The following OXCT1 variants were observed in gnomAD, a reference collection of about 807,000 sequenced individuals.
OXCT1 encodes the protein 3-oxoacid CoA-transferase 1, also known as succinyl-CoA:3-ketoacid coenzyme A transferase 1, mitochondrial.
In OXCT1, 27 loss-of-function variants were observed where a neutral mutation model predicts 69.6. The ratio of observed to expected loss-of-function variants is 0.39; its 90% confidence interval spans 0.29 to 0.54. OXCT1 has a LOEUF of 0.54. Ranked by LOEUF, OXCT1 falls within the 20% of genes least tolerant of loss-of-function variation. OXCT1 has a pLI of 0.72. For missense variants in OXCT1, 437 were observed against 650.2 expected, an observed-to-expected ratio of 0.67 and a Z score of 3.57; for synonymous variants, 202 against 217.8, an observed-to-expected ratio of 0.93 and a Z score of 0.64.
At chr5:41,850,442 T>C (rs1469943059) in intron 4 of OXCT1, among the ~76,000 whole-genome samples, 2 of 152,176 alleles carry the variant, frequency 1.3e-5, no homozygotes, top group Non-Finnish European at 2.9e-5. Context: ...TACCTCTCAA[T>C]GATCTCTTGA....
chr5:41,740,222 T>C (rs551471054), intron 15 of OXCT1, among the ~76,000 whole-genome samples: 1 of 152,188 alleles, frequency 6.6e-6, no homozygotes, highest in East Asian at 1.9e-4. Flanking sequence ...AGGAAAAAAG[T>C]TTATAAATGA....
intron 5 of OXCT1, among the ~76,000 whole-genome samples, chr5:41,845,710 C>T (rs888603273): frequency 1.1e-4 from 17 of 152,194 alleles, no homozygotes; most frequent in African/African-American, 3.4e-4. Context: ...CATATTTTCA[C>T]GAGGTGAATT....
In OXCT1 at chr5:41,842,002, TAA is replaced by T. The variant is rs1748648622; in HGVS notation, c.671+671_671+672del. Among the ~76,000 whole-genome samples the T allele has an allele frequency of 5.9e-5, 9 of 152,286 alleles. No homozygotes were observed. In the South Asian group the frequency reaches 1.7e-3, roughly 28 times the overall value. On this transcript the variant is annotated intron_variant, in intron 6 of 16. Transcript: ENST00000196371. ...ACAATGATTTCTGTAATCTGATAGG[TAA>T]AGTCTTCAAGATCAGTTTGGAAAAC...
intron 7 of OXCT1, among the ~76,000 whole-genome samples, chr5:41,838,979 G>A (rs756536345): frequency 6.6e-5 from 10 of 152,100 alleles, no homozygotes; most frequent in South Asian, 4.1e-4. Flanking sequence ...GAGTGGTTGC[G>A]CACATTACTG....
chr5:41,783,097 A>C (rs1220970194), intron 13 of OXCT1, among the ~76,000 whole-genome samples: 2 of 152,264 alleles, frequency 1.3e-5, no homozygotes, highest in African/African-American at 4.8e-5. Flanking sequence ...TATGGATAGA[A>C]TATGTGCAGC....
intron 14 of OXCT1, among the ~76,000 whole-genome samples, chr5:41,753,270 T>TACACAC (rs36095905): frequency 5.4e-5 from 8 of 148,678 alleles, no homozygotes; most frequent in African/African-American, 1.7e-4. Context: ...GTGGCTGCAA[T>TACACAC]ACACACACAC....
chr5:41,869,605 T>C (rs1021127774), intron 1 of OXCT1, among the ~76,000 whole-genome samples: 15 of 152,264 alleles, frequency 9.9e-5, no homozygotes, highest in Non-Finnish European at 2.1e-4. Flanking sequence ...AGAGAAAGGT[T>C]TGTCCTCCCC....
intron 3 of OXCT1, among the ~76,000 whole-genome samples, chr5:41,854,659 AT>A (rs1454103549): frequency 1.3e-5 from 2 of 152,028 alleles, no homozygotes; most frequent in African/African-American, 4.8e-5. Context: ...ATGGCGAAAT[AT>A]TTTTTAATGG....
intron 13 of OXCT1, among the ~76,000 whole-genome samples, chr5:41,788,998 A>C (rs1193238081): frequency 2.0e-5 from 3 of 152,260 alleles, no homozygotes; most frequent in Admixed American, 1.3e-4. Context: ...TTGGAAACTG[A>C]CACACCTTTA....
intron 7 of OXCT1, among the ~76,000 whole-genome samples, chr5:41,823,024 T>C (rs1219592647): frequency 6.6e-6 from 1 of 152,230 alleles, no homozygotes; most frequent in Non-Finnish European, 1.5e-5. Context: ...TTTTCTGCAT[T>C]CTGTAGTTTT....
intron 11 of OXCT1, among the ~76,000 whole-genome samples, chr5:41,796,869 C>T (rs1029263835): frequency 6.6e-6 from 1 of 152,106 alleles, no homozygotes; most frequent in Non-Finnish European, 1.5e-5. Context: ...TTTTGTTATT[C>T]CTCTCTCCAA....
In OXCT1 at chr5:41,859,864, A is replaced by AATATATATATATATATT. The variant is rs1749634621; in HGVS notation, c.278+1449_278+1450insAATATATATATATATAT. ...AACTATTATACCTGACTAGTATAGT[A>AATATATATATATATATT]ATATATATATATATATATATATGTA... On this transcript the variant is annotated intron_variant, in intron 3 of 16. Coordinates refer to ENST00000196371, the MANE Select transcript of OXCT1 (RefSeq NM_000436.4). Among the ~76,000 whole-genome samples the AATATATATATATATATT allele has an allele frequency of 1.6e-3, 187 of 120,096 alleles. 3 individuals are homozygous for AATATATATATATATATT. The highest frequency in any genetic ancestry group is 5.3e-3 in the African/African-American group (173 of 32,904). The allele number at this position is 120,096 out of a possible 152,430, so 78.8% of individuals were successfully genotyped here.
intron 2 of OXCT1, among the ~76,000 whole-genome samples, chr5:41,861,640 A>G (rs1404456684): frequency 1.3e-5 from 2 of 152,204 alleles, no homozygotes; most frequent in Non-Finnish European, 2.9e-5. Flanking sequence ...GTATAAGCCA[A>G]GTGCAACCAG....
intron 7 of OXCT1, among the ~76,000 whole-genome samples, chr5:41,828,437 C>A (rs1471202090): frequency 6.6e-6 from 1 of 152,082 alleles, no homozygotes; most frequent in East Asian, 1.9e-4. Flanking sequence ...CTACACATTT[C>A]TATACATGAG....
chr5:41,805,699 A>G lies in OXCT1; in HGVS notation c.841-18T>C, dbSNP rs1302851819. 2 of 1,489,484 alleles carry G rather than the reference A, an allele frequency of 1.3e-6. No homozygotes were observed. Among genetic ancestry groups the G allele is most frequent in the Non-Finnish European group, 1.9e-6 (2 of 1,066,830 alleles). The allele number at this position is 1,489,484 out of a possible 1,614,324, so 92.3% of individuals were successfully genotyped here. A position where few individuals can be genotyped will look rare whatever the true frequency, so the allele number is the denominator to read the frequency against. ...GATAAACGCTTTAAATTAAACAGAA[A>G]TAAATTATTCGTGGTTGAGGTATGC... is the stretch of plus-strand genomic sequence containing the variant. On this transcript the variant is annotated intron_variant, in intron 8 of 16. Transcript: ENST00000196371.
chr5:41,812,449 T>C (rs751129292), intron 7 of OXCT1, among the ~76,000 whole-genome samples: 1 of 151,976 alleles, frequency 6.6e-6, no homozygotes. Flanking sequence ...ACAACATGGA[T>C]AGCTTTGTGT....
rs1468982910 is a variant in OXCT1, at chr5:41,866,030, C to CCA, written c.79-3281_79-3280insTG. On this transcript the variant is annotated intron_variant, in intron 1 of 16. Transcript: ENST00000196371. ...TTTTATATGTACAGTAGACCCCCCC[C>CCA]CCCACCGCTTATCCACAGTTTCCCT... 2.0e-5 allele frequency among the ~76,000 whole-genome samples: 3 copies of CCA among 148,196 alleles called. 1 individual carries two copies. The highest frequency in any genetic ancestry group is 4.5e-5 in the Non-Finnish European group (3 of 66,492).
At chr5:41,740,732 G>C (rs1407425485) in intron 15 of OXCT1, among the ~76,000 whole-genome samples, 1 of 152,150 alleles carries the variant, frequency 6.6e-6, no homozygotes, top group African/African-American at 2.4e-5. Flanking sequence ...TTTCAAGGCA[G>C]ATTGTTTACT....
chr5:41,808,245 C>T (rs745394278), intron 7 of OXCT1, among the ~76,000 whole-genome samples: 6 of 152,048 alleles, frequency 3.9e-5, no homozygotes, highest in Non-Finnish European at 8.8e-5. Context: ...TTTCTGGTGA[C>T]ACGCACGCAC....
Sources: gnomAD v4.1 joint callset for allele counts (sites outside exome capture counted in the v4.1 genomes callset) on GRCh38, gnomAD v4.1.1 for gene constraint, MANE v1.5 for transcripts, NCBI Gene and HGNC (gene_info 2026-07-23, HGNC 2026-07-21) for gene names.